Variants in DCP1A observed in about 807,000 individuals in gnomAD.
DCP1A encodes the protein mRNA-decapping enzyme 1A.
A neutral mutation model predicts 58.0 loss-of-function variants in DCP1A; 20 were observed. That is an observed-to-expected ratio of 0.34 (90% CI 0.24 to 0.50). DCP1A has a LOEUF of 0.50. Among genes scored for constraint, DCP1A ranks in the 20% least tolerant of loss-of-function variants. The probability of loss-of-function intolerance (pLI) is 0.98; values close to 1 mark genes in which losing one functional copy is unlikely to be tolerated. For missense variants in DCP1A, 613 were observed against 712.2 expected (o/e 0.86, Z 1.59); for synonymous variants, 285 against 275.1 (o/e 1.04, Z -0.36).
At chr3:53,290,422 C>T (rs868925430) in intron 8 of DCP1A, among the ~76,000 whole-genome samples, 3 of 152,078 alleles carry the variant, frequency 2.0e-5, no homozygotes, top group African/African-American at 7.2e-5. Flanking sequence ...GTGCCCTCTA[C>T]ACACACAGTC....
intron 3 of DCP1A, among the ~76,000 whole-genome samples, chr3:53,321,747 A>C (rs1008170023): frequency 6.6e-6 from 1 of 152,058 alleles, no homozygotes; most frequent in African/African-American, 2.4e-5. Context: ...CCAAAAAACA[A>C]ACTTGGGTCT....
At chr3:53,346,958 G>T (rs563165585) in intron 1 of DCP1A, among the ~76,000 whole-genome samples, 14 of 152,084 alleles carry the variant, frequency 9.2e-5, no homozygotes, top group Non-Finnish European at 1.9e-4. Context: ...CGTTTGCCAG[G>T]GGGAGAGGAG....
At chr3:53,320,076 C>T (rs1309215325) in intron 3 of DCP1A, among the ~76,000 whole-genome samples, 2 of 151,374 alleles carry the variant, frequency 1.3e-5, no homozygotes, top group South Asian at 2.1e-4. Flanking sequence ...TGCAGTGAGC[C>T]GAGATCACGC....
At chr3:53,322,072 A>C (rs190559512) in intron 3 of DCP1A, among the ~76,000 whole-genome samples, 2 of 152,304 alleles carry the variant, frequency 1.3e-5, no homozygotes, top group East Asian at 1.9e-4. Context: ...ACCGCTTTAA[A>C]AGTTATTTTA....
At chr3:53,322,366 C>T (rs1285632923) in intron 3 of DCP1A, among the ~76,000 whole-genome samples, 5 of 151,540 alleles carry the variant, frequency 3.3e-5, no homozygotes, top group African/African-American at 1.2e-4. Flanking sequence ...GCAGGAGACT[C>T]TCTTGAACTG....
chr3:53,334,337 C>A (rs2089073376), intron 3 of DCP1A, among the ~76,000 whole-genome samples: 1 of 152,102 alleles, frequency 6.6e-6, no homozygotes, highest in African/African-American at 2.4e-5. Context: ...ATATGTTTAT[C>A]CAATCTGAGT....
intron 6 of DCP1A, among the ~76,000 whole-genome samples, chr3:53,298,626 T>A (rs144231918): frequency 1.1e-3 from 160 of 152,364 alleles, no homozygotes; most frequent in African/African-American, 3.6e-3. Flanking sequence ...ACAGTCTACA[T>A]TCTTAAGCAG....
chr3:53,304,668 G>C (rs556706862), intron 5 of DCP1A, among the ~76,000 whole-genome samples: 1 of 152,188 alleles, frequency 6.6e-6, no homozygotes, highest in East Asian at 1.9e-4. Flanking sequence ...TGCCTCCTGG[G>C]TTCAAGCGAT....
chr3:53,332,591 G>A (rs921491929), intron 3 of DCP1A, among the ~76,000 whole-genome samples: 2 of 152,018 alleles, frequency 1.3e-5, no homozygotes, highest in South Asian at 2.1e-4. Context: ...TAGGCCGGGC[G>A]CGGTGGCTCA....
intron 4 of DCP1A, among the ~76,000 whole-genome samples, chr3:53,312,998 A>T (rs1707696430): frequency 1.3e-5 from 2 of 152,178 alleles, no homozygotes; most frequent in South Asian, 4.1e-4. Flanking sequence ...TTTCAAAATC[A>T]GTCAAACTAA....
chr3:53,289,343 G>A (rs1450910504), intron 8 of DCP1A, among the ~76,000 whole-genome samples: 3 of 151,020 alleles, frequency 2.0e-5, no homozygotes, highest in African/African-American at 7.3e-5. Context: ...GGGAGTGGTG[G>A]CTCATGCCTG....
intron 5 of DCP1A, among the ~76,000 whole-genome samples, chr3:53,308,796 T>C (rs1553688356): frequency 6.6e-6 from 1 of 151,776 alleles, no homozygotes; most frequent in Non-Finnish European, 1.5e-5. Context: ...AGACAAGGTC[T>C]TGCTATGTTG....
intron 3 of DCP1A, among the ~76,000 whole-genome samples, chr3:53,341,807 T>G (rs1454688948): frequency 1.3e-5 from 2 of 152,034 alleles, no homozygotes; most frequent in Admixed American, 1.3e-4. Context: ...CAGGTTCAAG[T>G]GATTACAGGC....
intron 6 of DCP1A, among the ~76,000 whole-genome samples, chr3:53,293,068 G>C (rs1429940193): frequency 6.6e-6 from 1 of 152,142 alleles, no homozygotes; most frequent in African/African-American, 2.4e-5. Context: ...CTGGGTAGCA[G>C]GATCAGAATT....
At chr3:53,340,386 C>T (rs2089185486) in intron 3 of DCP1A, among the ~76,000 whole-genome samples, 1 of 152,116 alleles carries the variant, frequency 6.6e-6, no homozygotes, top group Non-Finnish European at 1.5e-5. Context: ...ATTACCTGGA[C>T]AAATAGTTTA....
intron 3 of DCP1A, among the ~76,000 whole-genome samples, chr3:53,322,537 G>A (rs1286329760): frequency 6.6e-6 from 1 of 151,662 alleles, no homozygotes. Flanking sequence ...TGTTATTGTA[G>A]AGTTAATGAA....
chr3:53,306,382 A>C (rs1707472161), intron 5 of DCP1A, among the ~76,000 whole-genome samples: 1 of 152,192 alleles, frequency 6.6e-6, no homozygotes, highest in African/African-American at 2.4e-5. Context: ...TATAAAGTTA[A>C]AATATTGTTC....
rs1026936892 is a variant in DCP1A at position 53,330,489 on chromosome 3, T to C, written c.305-11016A>G. ...TGAGGATGGAGGATCATTTGGACAC[T>C]ATAGCCTGGGCAACAGAGTGAGACC... On this transcript the variant is annotated intron_variant, in intron 3 of 9. Transcript: ENST00000610213. 1.0e-4 allele frequency among the ~76,000 whole-genome samples: 15 copies of C among 150,108 alleles called. 1 individual carries two copies. Among genetic ancestry groups the C allele is most frequent in the African/African-American group, 3.7e-4 (15 of 40,718 alleles).
intron 3 of DCP1A, chr3:53,333,248 T>A (rs1211518572): frequency 6.6e-6 from 1 of 151,896 alleles, no homozygotes; most frequent in Non-Finnish European, 1.5e-5. Flanking sequence ...TTTAGGCAAT[T>A]CTCTGCCTCA....
Sources: allele counts gnomAD v4.1 joint callset (sites outside exome capture counted in the v4.1 genomes callset), GRCh38; gene constraint gnomAD v4.1.1; transcripts MANE v1.5; gene names NCBI Gene and HGNC (gene_info 2026-07-23, HGNC 2026-07-21).